The following MTPAP variants were observed in gnomAD, a reference collection of about 807,000 sequenced individuals.
MTPAP encodes poly(A) RNA polymerase, mitochondrial.
In MTPAP, 23 loss-of-function variants were observed where a neutral mutation model predicts 48.7. The observed-to-expected ratio is 0.47, with a 90% CI of 0.34 to 0.67. The LOEUF is 0.67. MTPAP is among the 30% of genes least tolerant of loss of function. The pLI, the probability that MTPAP is intolerant of heterozygous loss-of-function variation, is 0.01. For missense variants in MTPAP, 614 were observed against 694.3 expected (o/e 0.88, Z 1.30); for synonymous variants, 257 against 254.1 (o/e 1.01, Z -0.11).
chr10:30,339,106 G>A (rs1834767900), intron 3 of MTPAP, among the ~76,000 whole-genome samples: 2 of 152,020 alleles, frequency 1.3e-5, no homozygotes, highest in African/African-American at 4.8e-5. Flanking sequence ...CTGGGCGACA[G>A]AGCAAGAGTC....
At chr10:30,343,109 G>T (rs969899548) in intron 1 of MTPAP, among the ~76,000 whole-genome samples, 1 of 152,118 alleles carries the variant, frequency 6.6e-6, no homozygotes, top group Non-Finnish European at 1.5e-5. Context: ...TAAAAAGTCT[G>T]GAATGGTAGA....
intron 3 of MTPAP, among the ~76,000 whole-genome samples, chr10:30,338,265 ATAACG>A (rs1834752598): frequency 1.3e-5 from 2 of 150,846 alleles, no homozygotes; most frequent in Non-Finnish European, 3.0e-5. Context: ...ACCTCAAAAA[ATAACG>A]TAACATAACA....
intron 1 of MTPAP, 78 bp downstream of exon 1, chr10:30,349,041 C>G: frequency 6.2e-7 from 1 of 1,604,680 alleles, no homozygotes; most frequent in Middle Eastern, 1.7e-4. Context: ...GCCGTTTCCA[C>G]AGGCCACGTG....
intron 4 of MTPAP, 99 bp from the exon 5 acceptor site, chr10:30,326,734 CA>C (rs1310912110): frequency 4.5e-6 from 4 of 889,084 alleles, no homozygotes; most frequent in Non-Finnish European, 7.1e-6. Context: ...TGCTGGAAAG[CA>C]AAACAAAATA....
chr10:30,329,873 G>A lies in MTPAP; in HGVS notation c.781-3238C>T, dbSNP rs181001519. The stretch of plus-strand genomic sequence containing the variant: ...GGAGTATTTTGCGGCCACTGAGGGC[G>A]ATACAGTAGATTGAACTGCCAAGAC... On this transcript the variant is annotated intron_variant, in intron 4 of 8. Transcript: ENST00000263063. Among the ~76,000 whole-genome samples, 539 of 151,820 alleles carry A rather than the reference G, an allele frequency of 3.6e-3. 9 individuals carry two copies. The highest frequency in any genetic ancestry group is 0.012 in the African/African-American group (496 of 41,382).
At position 30,345,978 on chromosome 10, in the gene MTPAP, T is replaced by A. The variant is rs534219870; in HGVS notation, c.157+3141A>T. ...CAGGAGAATCGCTAGAAGGCAGAGG[T>A]TGCACTGAGCCGAGATAGCGCCACT... On this transcript the variant is annotated intron_variant, in intron 1 of 8. Transcript: ENST00000263063. 6.0e-5 allele frequency among the ~76,000 whole-genome samples: 9 copies of A among 151,074 alleles called. No individual in the cohort carries two copies. The South Asian group carries it at 1.9e-3, about 32-fold the overall frequency.
At chr10:30,316,663 G>A (rs979767244) in intron 6 of MTPAP, among the ~76,000 whole-genome samples, 7 of 150,504 alleles carry the variant, frequency 4.7e-5, no homozygotes, top group Non-Finnish European at 1.0e-4. Context: ...GCTGAGGCGG[G>A]TAGATCACCT....
chr10:30,333,006 A>G (rs1311194707), intron 4 of MTPAP, among the ~76,000 whole-genome samples: 2 of 151,990 alleles, frequency 1.3e-5, no homozygotes, highest in African/African-American at 2.4e-5. Context: ...CTGTAGTCCC[A>G]GCTACTCGGG....
Position 30,340,301 on chromosome 10 carries a change from C to A in MTPAP, c.480G>T (p.Arg160=). The change falls in exon 3 of 9, where the codon CGG becomes CGT. Residue 160 remains arginine (R), a synonymous_variant. Coordinates refer to ENST00000263063, the MANE Select transcript of MTPAP (RefSeq NM_018109.4). ...ACTGATTACTTGACCGTACGCGTGA[C>A]CGTTCAGAAGTCTGGTTTTTCAACT... ...NLKLKNQTSE[R]SRVRSSNQLP... 1 of 1,614,114 alleles carries A rather than the reference C, an allele frequency of 6.2e-7. No individual in the cohort carries two copies. Among genetic ancestry groups the A allele is most frequent in the Non-Finnish European group, 8.5e-7 (1 of 1,180,024 alleles).
At chr10:30,341,856 A>G (rs943271948) in intron 1 of MTPAP, among the ~76,000 whole-genome samples, 1 of 152,180 alleles carries the variant, frequency 6.6e-6, no homozygotes, top group Non-Finnish European at 1.5e-5. Flanking sequence ...AAAACCTCAG[A>G]TATTACCAAG....
intron 6 of MTPAP, among the ~76,000 whole-genome samples, chr10:30,321,586 G>A (rs371720573): frequency 2.6e-5 from 4 of 152,206 alleles, no homozygotes; most frequent in African/African-American, 4.8e-5. Flanking sequence ...ACATAAAGAG[G>A]AGTAGGGAAG....
chr10:30,329,382 C>T (rs529393850), intron 4 of MTPAP, among the ~76,000 whole-genome samples: 4 of 152,198 alleles, frequency 2.6e-5, no homozygotes, highest in African/African-American at 7.2e-5. Flanking sequence ...TACACACCAC[C>T]ACACCTTGCT....
intron 3 of MTPAP, among the ~76,000 whole-genome samples, chr10:30,338,040 G>A (rs754709761): frequency 7.9e-5 from 12 of 151,502 alleles, no homozygotes; most frequent in South Asian, 4.2e-4. Flanking sequence ...CGGGAGGATC[G>A]CTTGAGCTCA....
chr10:30,343,357 G>A (rs1224007026), intron 1 of MTPAP, among the ~76,000 whole-genome samples: 1 of 149,376 alleles, frequency 6.7e-6, no homozygotes, highest in East Asian at 2.0e-4. Context: ...GCAGTGATCC[G>A]AGATTGCACC....
chr10:30,314,692 G>A (rs1840638632), intron 8 of MTPAP, among the ~76,000 whole-genome samples: 2 of 151,880 alleles, frequency 1.3e-5, no homozygotes, highest in Admixed American at 1.3e-4. Flanking sequence ...GACCAACATG[G>A]TGAAATCCCA....
At chr10:30,318,106 G>A (rs1840682116) in intron 6 of MTPAP, among the ~76,000 whole-genome samples, 1 of 152,070 alleles carries the variant, frequency 6.6e-6, no homozygotes, top group Non-Finnish European at 1.5e-5. Context: ...TGATCCACTC[G>A]CCTCGGCCTC....
chr10:30,342,911 G>GT (rs1000117685), intron 1 of MTPAP, among the ~76,000 whole-genome samples: 1 of 152,176 alleles, frequency 6.6e-6, no homozygotes, highest in Non-Finnish European at 1.5e-5. Context: ...GACAAGAATT[G>GT]TGACAGTGAA....
Position 30,313,565 on chromosome 10 carries a change from C to A in MTPAP, c.*44G>T. The A allele has an allele frequency of 6.2e-7, 1 of 1,612,690 alleles. No homozygotes were observed. The highest frequency in any genetic ancestry group is 8.5e-7 in the Non-Finnish European group (1 of 1,179,200). On this transcript the variant is annotated 3_prime_UTR_variant, in exon 9 of 9. Coordinates refer to ENST00000263063, the MANE Select transcript of MTPAP (RefSeq NM_018109.4). ...AGTTTTTCCAAGTAAGTCCACAGAC[C>A]ATTTGATAGGCTAAGCCCAGTTCTT...
chr10:30,315,104 T>C (rs1392740268), intron 8 of MTPAP, among the ~76,000 whole-genome samples: 1 of 152,126 alleles, frequency 6.6e-6, no homozygotes, highest in African/African-American at 2.4e-5. Flanking sequence ...TCTCTGAGCT[T>C]TGGAGTACAA....
Sources: allele counts gnomAD v4.1 joint callset (sites outside exome capture counted in the v4.1 genomes callset), GRCh38; gene constraint gnomAD v4.1.1; transcripts MANE v1.5; gene names NCBI Gene and HGNC (gene_info 2026-07-23, HGNC 2026-07-21).